The following MACROD2 variants were observed in gnomAD, a reference collection of about 807,000 sequenced individuals.
The protein encoded by MACROD2 is ADP-ribose glycohydrolase MACROD2.
MACROD2 carries 36 observed loss-of-function variants against 70.4 expected under a neutral mutation model. The observed-to-expected ratio is 0.51, with a 90% CI of 0.39 to 0.68. The LOEUF (loss-of-function observed/expected upper bound fraction) is 0.68, where lower values mean the gene tolerates loss of function less well. Among genes scored for constraint, MACROD2 ranks in the 30% least tolerant of loss-of-function variants. MACROD2 has a pLI of 0.00. For synonymous variants in MACROD2, 172 were observed against 178.8 expected, an observed-to-expected ratio of 0.96 and a Z score of 0.30; for missense variants, 496 against 538.4, an observed-to-expected ratio of 0.92 and a Z score of 0.78.
At chr20:15,672,681 G>A (rs1011038941) in intron 8 of MACROD2, among the ~76,000 whole-genome samples, 1 of 152,134 alleles carries the variant, frequency 6.6e-6, no homozygotes, top group African/African-American at 2.4e-5. Context: ...AGTGACATGC[G>A]AAAGAACTTT....
At chr20:15,242,870 G>A (rs1455211530) in intron 6 of MACROD2, among the ~76,000 whole-genome samples, 2 of 152,164 alleles carry the variant, frequency 1.3e-5, no homozygotes, top group East Asian at 1.9e-4. Context: ...TGTGCAGGAC[G>A]CTAATATGGA....
intron 5 of MACROD2, among the ~76,000 whole-genome samples, chr20:14,731,424 G>A (rs1053416490): frequency 2.0e-5 from 3 of 152,084 alleles, no homozygotes; most frequent in Admixed American, 6.6e-5. Flanking sequence ...CCCTTCCAAC[G>A]TACCACATGG....
chr20:14,095,517 C>T (rs963679734), intron 3 of MACROD2, among the ~76,000 whole-genome samples: 1 of 152,108 alleles, frequency 6.6e-6, no homozygotes, highest in African/African-American at 2.4e-5. Context: ...AGTGATTCAC[C>T]TCTGGTTATA....
chr20:15,438,577 G>T (rs2046457148), intron 7 of MACROD2, among the ~76,000 whole-genome samples: 1 of 151,952 alleles, frequency 6.6e-6, no homozygotes, highest in Admixed American at 6.6e-5. Flanking sequence ...TTGATCTGCA[G>T]GAAGTCTTCC....
intron 2 of MACROD2, among the ~76,000 whole-genome samples, chr20:14,030,110 G>A (rs2053228204): frequency 6.6e-6 from 1 of 152,186 alleles, no homozygotes; most frequent in Non-Finnish European, 1.5e-5. Context: ...TTAGCTCACT[G>A]CAGCCTCCAA....
chr20:15,727,741 C>T (rs761390113), intron 8 of MACROD2, among the ~76,000 whole-genome samples: 3 of 151,864 alleles, frequency 2.0e-5, no homozygotes, highest in Non-Finnish European at 4.4e-5. Context: ...TCTTTGCTTG[C>T]ATGTTGTTGG....
intron 5 of MACROD2, among the ~76,000 whole-genome samples, chr20:15,215,841 A>G (rs961015866): frequency 6.6e-6 from 1 of 152,140 alleles, no homozygotes. Context: ...AGAATGCATG[A>G]TGGAAAGGAA....
At chr20:15,494,664 C>T (rs1200863414) in intron 7 of MACROD2, among the ~76,000 whole-genome samples, 2 of 151,618 alleles carry the variant, frequency 1.3e-5, no homozygotes, top group Non-Finnish European at 2.9e-5. Context: ...ATTTTGAGGG[C>T]TGGGCATTGA....
chr20:15,148,074 A>C (rs1013232763), intron 5 of MACROD2, among the ~76,000 whole-genome samples: 1 of 151,896 alleles, frequency 6.6e-6, no homozygotes, highest in Non-Finnish European at 1.5e-5. Flanking sequence ...AATAAGAAAA[A>C]TAAAATGAAA....
At chr20:15,924,173 C>G (rs565760557) in intron 10 of MACROD2, among the ~76,000 whole-genome samples, 1 of 152,302 alleles carries the variant, frequency 6.6e-6, no homozygotes, top group East Asian at 1.9e-4. Context: ...TGTCTCAACA[C>G]GGAAGAAACA....
intron 3 of MACROD2, among the ~76,000 whole-genome samples, chr20:14,409,819 C>T (rs2083730676): frequency 6.6e-6 from 1 of 152,084 alleles, no homozygotes; most frequent in Non-Finnish European, 1.5e-5. Flanking sequence ...AAGACTAAGC[C>T]ACTGTTTGTG....
At chr20:15,563,608 A>T (rs1393845801) in intron 8 of MACROD2, among the ~76,000 whole-genome samples, 1 of 152,230 alleles carries the variant, frequency 6.6e-6, no homozygotes, top group Non-Finnish European at 1.5e-5. Context: ...CAGCAGAGAA[A>T]AATCTCTTTT....
At chr20:15,620,635 G>T (rs940703190) in intron 8 of MACROD2, among the ~76,000 whole-genome samples, 1 of 152,126 alleles carries the variant, frequency 6.6e-6, no homozygotes, top group Non-Finnish European at 1.5e-5. Context: ...GACTATTCAT[G>T]TAATTTATTT....
At chr20:14,805,067 T>C (rs73106514) in intron 5 of MACROD2, among the ~76,000 whole-genome samples, 1 of 152,156 alleles carries the variant, frequency 6.6e-6, no homozygotes, top group Non-Finnish European at 1.5e-5. Context: ...TCCTCTAATA[T>C]TTTGTGTGCA....
intron 4 of MACROD2, among the ~76,000 whole-genome samples, chr20:14,585,075 T>C (rs1535219): frequency 0.98 from 149,025 of 152,262 alleles, 73,012 homozygotes; most frequent in East Asian, 1. Flanking sequence ...CAGCTAAGGA[T>C]CATAGTTTAG....
chr20:14,613,255 C>T (rs1198629727), intron 4 of MACROD2, among the ~76,000 whole-genome samples: 2 of 152,076 alleles, frequency 1.3e-5, no homozygotes, highest in Admixed American at 6.6e-5. Context: ...TACACATATA[C>T]AGTCAAGAGA....
intron 4 of MACROD2, among the ~76,000 whole-genome samples, chr20:14,585,507 G>A (rs1306525910): frequency 6.6e-6 from 1 of 151,974 alleles, no homozygotes. Context: ...AATTATATAG[G>A]TAATCTTTAC....
At chr20:15,456,184 T>C (rs1014285864) in intron 7 of MACROD2, among the ~76,000 whole-genome samples, 1 of 152,164 alleles carries the variant, frequency 6.6e-6, no homozygotes, top group African/African-American at 2.4e-5. Flanking sequence ...AGAATCTCTT[T>C]GAACTACCTG....
At chr20:14,992,647 C>A (rs1321802950) in intron 5 of MACROD2, among the ~76,000 whole-genome samples, 2 of 150,694 alleles carry the variant, frequency 1.3e-5, no homozygotes, top group African/African-American at 5.0e-5. Flanking sequence ...ATGGAAAAGA[C>A]TTTTAAAAGA....
Sources: allele counts gnomAD v4.1 joint callset (sites outside exome capture counted in the v4.1 genomes callset), GRCh38; gene constraint gnomAD v4.1.1; transcripts MANE v1.5; gene names NCBI Gene and HGNC (gene_info 2026-07-23, HGNC 2026-07-21).